Variants in ELF4 observed in about 807,000 individuals in gnomAD.
The protein encoded by ELF4 is ETS-related transcription factor Elf-4.
In ELF4, 10 loss-of-function variants were observed where a neutral mutation model predicts 31.7. The observed-to-expected ratio is 0.32, with a 90% confidence interval of 0.19 to 0.54. ELF4 has a LOEUF of 0.54. Among genes scored for constraint, ELF4 ranks in the 20% least tolerant of loss-of-function variants. ELF4 has a pLI of 0.95. For missense variants in ELF4, 418 were observed against 522.0 expected, an observed-to-expected ratio of 0.80 and a Z score of 1.94; for synonymous variants, 208 against 226.7, an observed-to-expected ratio of 0.92 and a Z score of 0.74.
intron 1 of ELF4, among the ~76,000 whole-genome samples, chrX:130,084,312 G>T (rs1235019531): frequency 8.9e-6 from 1 of 112,467 alleles, no homozygotes; most frequent in African/African-American, 3.2e-5. Flanking sequence ...TTCTCAGGAA[G>T]AGAATGCCAG....
chrX:130,082,388 G>A (rs901195077), intron 1 of ELF4, among the ~76,000 whole-genome samples: 7 of 111,802 alleles, frequency 6.3e-5, no homozygotes, highest in African/African-American at 2.3e-4. Flanking sequence ...GTGTGGGTTT[G>A]TGTTCTTGGT....
chrX:130,101,994 A>T (rs756218471), intron 1 of ELF4, among the ~76,000 whole-genome samples: 1 of 109,476 alleles, frequency 9.1e-6, no homozygotes, highest in Admixed American at 9.8e-5. Flanking sequence ...TTTAAAAAAA[A>T]ATTTAGCTGG....
chrX:130,083,472 G>A (rs1261241672), intron 1 of ELF4, among the ~76,000 whole-genome samples: 2 of 109,502 alleles, frequency 1.8e-5, no homozygotes, highest in Non-Finnish European at 3.8e-5. Context: ...AATTAAAGGT[G>A]ATCACTTTCA....
intron 1 of ELF4, among the ~76,000 whole-genome samples, chrX:130,088,233 A>T (rs746569081): frequency 2.9e-4 from 32 of 109,841 alleles, no homozygotes; most frequent in Non-Finnish European, 4.2e-4. Context: ...CCATCTCAAA[A>T]AAATAAATAA....
In ELF4 at chrX:130,069,681, G is replaced by A; in HGVS notation, c.810-4C>T. 8.3e-7 allele frequency: 1 copy of A among 1,211,274 alleles called. No homozygotes were observed. The highest frequency in any genetic ancestry group is 1.1e-6 in the Non-Finnish European group (1 of 895,596). On this transcript the variant is annotated splice_polypyrimidine_tract_variant and splice_region_variant and intron_variant, in intron 7 of 8. Transcript: ENST00000308167. ...TATGCCTCTTTGGTAGTAGTATCTA[G>A]AGGAAGAGGGGCAGGGAGTTGGGAG...
chrX:130,093,784 C>A (rs754502846), intron 1 of ELF4, among the ~76,000 whole-genome samples: 1 of 112,179 alleles, frequency 8.9e-6, no homozygotes, highest in African/African-American at 3.2e-5. Context: ...GAGGTTCAAG[C>A]AGCTGTGCAA....
intron 1 of ELF4, among the ~76,000 whole-genome samples, chrX:130,103,376 A>T (rs1036861755): frequency 8.9e-6 from 1 of 112,686 alleles, no homozygotes; most frequent in Non-Finnish European, 1.9e-5. Flanking sequence ...TGGGCAAAAG[A>T]TTTGAACAGA....
upstream of ELF4, among the ~76,000 whole-genome samples, chrX:130,111,006 G>C (rs1229849574): frequency 2.1e-5 from 2 of 96,743 alleles, no homozygotes; most frequent in African/African-American, 7.5e-5. Context: ...CGGGCGGGCG[G>C]GGTGGGGGAG....
In ELF4 at chrX:130,067,118, G is replaced by C. The variant is rs762921732; in HGVS notation, c.1595C>G (p.Ala532Gly). 6 of 1,200,674 alleles carry C rather than the reference G, an allele frequency of 5.0e-6. No individual in the cohort carries two copies. In the African/African-American group the frequency reaches 8.8e-5, roughly 18 times the overall value. Residue 532 changes from alanine (A) to glycine (G), a missense_variant, in exon 9 of 9, where the codon GCA (alanine) becomes GGA (glycine). This residue lies in a region of ELF4 where 260 missense variants were observed against 269.2 expected (regional missense o/e 0.97). Coordinates refer to ENST00000308167, the MANE Select transcript of ELF4 (RefSeq NM_001421.4). Reference sequence around the variant, plus strand: ...TGGCCCCTCCTTGACCCTAGGGGCTGCTGTAGTGCCAGAAGTCCTGATGAA... The same window carrying C: ...TGGCCCCTCCTTGACCCTAGGGGCTCCTGTAGTGCCAGAAGTCCTGATGAA... ...AAFIRTSGTT[A>G]APRVKEGPLR...
intron 1 of ELF4, among the ~76,000 whole-genome samples, chrX:130,086,355 G>A (rs1366306410): frequency 8.9e-6 from 1 of 112,109 alleles, no homozygotes; most frequent in Non-Finnish European, 1.9e-5. Context: ...GTGGGCCCAG[G>A]GTTCTTCCCC....
intron 2 of ELF4, among the ~76,000 whole-genome samples, chrX:130,077,756 C>A (rs763175111): frequency 8.9e-5 from 10 of 111,912 alleles, no homozygotes; most frequent in African/African-American, 1.9e-4. Flanking sequence ...ACATGATTGA[C>A]CCCCTAGGAT....
chrX:130,109,178 G>A lies in ELF4; in HGVS notation c.-210+1147C>T, dbSNP rs773969852. Among the ~76,000 whole-genome samples the A allele has an allele frequency of 1.1e-3, 127 of 112,227 alleles. 1 individual carries two copies. The highest frequency in any genetic ancestry group is 4.0e-3 in the African/African-American group (125 of 30,901). On this transcript the variant is annotated intron_variant, in intron 1 of 8. Transcript: ENST00000308167. The stretch of plus-strand genomic sequence containing the variant: ...AACCTGGCACTCGGGCCAGGGGTCA[G>A]CTGGCAGGGGGTGAGTCCCCAATGG...
At chrX:130,087,012 A>G (rs1169272547) in intron 1 of ELF4, among the ~76,000 whole-genome samples, 1 of 112,600 alleles carries the variant, frequency 8.9e-6, no homozygotes, top group Non-Finnish European at 1.9e-5. Flanking sequence ...GTGGCAAGAA[A>G]GAGCACTACA....
chrX:130,097,329 C>A (rs931875305), intron 1 of ELF4, among the ~76,000 whole-genome samples: 1 of 109,401 alleles, frequency 9.1e-6, no homozygotes, highest in Non-Finnish European at 1.9e-5. Context: ...CCCAGCTACT[C>A]GGGAGGCTGA....
In ELF4 at chrX:130,064,008, A is replaced by ATTATTATT. The variant is rs1226460860; in HGVS notation, c.*2712_*2713insAATAATAA. Reference sequence around the variant, plus strand: ...TATTATTATTATTATTATTATTATTATTATACTTTAAGTTCTGGGATACAT... The same window carrying ATTATTATT: ...TATTATTATTATTATTATTATTATTATTATTATTTTATACTTTAAGTTCTGGGATACAT... On this transcript the variant is annotated 3_prime_UTR_variant, in exon 9 of 9. Coordinates refer to ENST00000308167, the MANE Select transcript of ELF4 (RefSeq NM_001421.4). Among the ~76,000 whole-genome samples, 3 of 101,850 alleles carry ATTATTATT rather than the reference A, an allele frequency of 2.9e-5. 1 individual carries two copies. In the Admixed American group the frequency reaches 3.2e-4, roughly 11 times the overall value. The allele number at this position is 101,850 out of a possible 115,157, so 88.4% of individuals were successfully genotyped here.
At chrX:130,107,883 T>C (rs1057068434) in intron 1 of ELF4, among the ~76,000 whole-genome samples, 11 of 112,554 alleles carry the variant, frequency 9.8e-5, no homozygotes, top group Non-Finnish European at 2.1e-4. Context: ...TAAATAACAA[T>C]GCTGGGATTT....
Position 130,071,120 on chromosome X carries a change from G to A in ELF4, c.729C>T (p.Asp243=). The A allele has an allele frequency of 8.3e-7, 1 of 1,211,920 alleles. No individual in the cohort carries two copies. Among genetic ancestry groups the A allele is most frequent in the Non-Finnish European group, 1.1e-6 (1 of 895,587 alleles). The change falls in exon 7 of 9, where the codon GAC becomes GAT. Residue 243 remains aspartate, a synonymous_variant. Coordinates refer to ENST00000308167, the MANE Select transcript of ELF4 (RefSeq NM_001421.4). ...CCCACAGCTTGGACACAGCTTTGGA[G>A]TCCACCAGTTTGAAGATGCCTTTCT... is the stretch of plus-strand genomic sequence containing the variant. The part of the protein sequence containing the change: ...QREKGIFKLV[D]SKAVSKLWGK...
At position 130,063,972 on chromosome X, in the gene ELF4, TTTATTATTATTA is replaced by T. The variant is rs201836552; in HGVS notation, c.*2737_*2748del. Among the ~76,000 whole-genome samples, 960 of 93,305 alleles carry T rather than the reference TTTATTATTATTA, an allele frequency of 0.01. 17 individuals carry two copies. Among genetic ancestry groups the T allele is most frequent in the Admixed American group, 0.082 (663 of 8,099 alleles). The allele number at this position is 93,305 out of a possible 115,157, so 81.0% of individuals were successfully genotyped here. A position where few individuals can be genotyped will look rare whatever the true frequency, so the allele number is the denominator to read the frequency against. On this transcript the variant is annotated 3_prime_UTR_variant, in exon 9 of 9. Transcript: ENST00000308167. ...TGACGGCCTTTTTGTTTGCTTGATT[TTTATTATTATTA>T]TTATTATTATTATTATTATTATTAT...
intron 7 of ELF4, 21 bp from the exon 8 acceptor site, chrX:130,069,698 A>G (rs748099645): frequency 8.3e-7 from 1 of 1,208,445 alleles, no homozygotes; most frequent in Non-Finnish European, 1.1e-6. Flanking sequence ...AGGGGCAGGG[A>G]GTTGGGAGTT....
Sources: gnomAD v4.1 joint callset for allele counts (sites outside exome capture counted in the v4.1 genomes callset) on GRCh38, gnomAD v4.1.1 for gene constraint, gnomAD v4.1.1 regional missense constraint, MANE v1.5 for transcripts, NCBI Gene and HGNC (gene_info 2026-07-23, HGNC 2026-07-21) for gene names.